The following RBMS3 variants were observed in gnomAD, a reference collection of about 807,000 sequenced individuals.
RBMS3 encodes the protein RNA-binding motif, single-stranded-interacting protein 3.
A neutral mutation model predicts 66.8 loss-of-function variants in RBMS3; 27 were observed. The observed-to-expected ratio is 0.40, with a 90% confidence interval of 0.30 to 0.56. The LOEUF (loss-of-function observed/expected upper bound fraction) is 0.56, where lower values mean the gene tolerates loss of function less well. Among genes scored for constraint, RBMS3 ranks in the 20% least tolerant of loss-of-function variants. The pLI is 0.40. For synonymous variants in RBMS3, 188 were observed against 183.0 expected (o/e 1.03, Z -0.22); for missense variants, 513 against 549.5 (o/e 0.93, Z 0.66).
In RBMS3 at chr3:29,984,788, C is replaced by T. The variant is rs548583521; in HGVS notation, c.1099-3355C>T. Among the ~76,000 whole-genome samples, 13 of 152,250 alleles carry T rather than the reference C, an allele frequency of 8.5e-5. No individual in the cohort carries two copies. In the East Asian group the frequency reaches 2.1e-3, roughly 25 times the overall value. On this transcript the variant is annotated intron_variant, in intron 12 of 14. Transcript: ENST00000383767. ...TGCCTGTTCCTTCCTCTGGAAGCTT[C>T]GTCCCAGAGGGGCACCCACCAGATG...
intron 3 of RBMS3, among the ~76,000 whole-genome samples, chr3:29,490,080 A>G (rs1232742757): frequency 2.0e-5 from 3 of 150,762 alleles, no homozygotes; most frequent in Non-Finnish European, 4.4e-5. Context: ...CAGTGAGGAC[A>G]GAAACAAGAA....
intron 4 of RBMS3, among the ~76,000 whole-genome samples, chr3:29,596,545 G>C (rs2047948569): frequency 6.6e-6 from 1 of 152,150 alleles, no homozygotes; most frequent in Non-Finnish European, 1.5e-5. Context: ...CTTGGAGGTA[G>C]GTATTATTAT....
chr3:29,763,163 G>C (rs2055771337), intron 6 of RBMS3, among the ~76,000 whole-genome samples, 174 bp downstream of exon 6: 1 of 151,962 alleles, frequency 6.6e-6, no homozygotes, highest in Non-Finnish European at 1.5e-5. Context: ...AAGCTTTTTG[G>C]TAATTCTTCT....
At chr3:29,637,434 T>C (rs749072508) in intron 4 of RBMS3, among the ~76,000 whole-genome samples, 2 of 151,908 alleles carry the variant, frequency 1.3e-5, no homozygotes, top group Non-Finnish European at 2.9e-5. Flanking sequence ...CTTTACGTCT[T>C]TCTTAAATAC....
In RBMS3 at chr3:29,818,625, G is replaced by A. The variant is rs187745713; in HGVS notation, c.638-50233G>A. ...CCAATGCGACCTTGATTTCCTCCAC[G>A]GAGACTGAATTGGGATAAGAAAAAC... On this transcript the variant is annotated intron_variant, in intron 6 of 14. Coordinates refer to ENST00000383767, the MANE Select transcript of RBMS3 (RefSeq NM_001003793.3). 2.5e-3 allele frequency among the ~76,000 whole-genome samples: 385 copies of A among 151,966 alleles called. 4 individuals carry two copies. The highest frequency in any genetic ancestry group is 0.02 in the Admixed American group (302 of 15,258).
chr3:29,499,835 T>A (rs9861013), intron 3 of RBMS3, among the ~76,000 whole-genome samples: 19,993 of 152,014 alleles, frequency 0.13, 1,930 homozygotes, highest in African/African-American at 0.27. Context: ...CGTCCACAAT[T>A]CAAACAGCAG....
intron 1 of RBMS3, among the ~76,000 whole-genome samples, chr3:29,415,028 A>G (rs183530639): frequency 2.0e-4 from 30 of 152,354 alleles, no homozygotes; most frequent in Middle Eastern, 6.8e-3. Flanking sequence ...AATGCTGAGA[A>G]GGACAATTCC....
At chr3:29,317,393 G>A (rs921067581) in intron 1 of RBMS3, among the ~76,000 whole-genome samples, 5 of 151,448 alleles carry the variant, frequency 3.3e-5, no homozygotes, top group Admixed American at 6.6e-5. Context: ...TCTGGTTTTC[G>A]GTGTTGCTTG....
intron 2 of RBMS3, among the ~76,000 whole-genome samples, chr3:29,450,660 T>A (rs902511827): frequency 6.6e-6 from 1 of 152,132 alleles, no homozygotes; most frequent in African/African-American, 2.4e-5. Flanking sequence ...TCTTTTGTTT[T>A]TGAATGCCTT....
chr3:29,931,217 A>G (rs1408567515), intron 10 of RBMS3, among the ~76,000 whole-genome samples: 4 of 152,222 alleles, frequency 2.6e-5, no homozygotes, highest in African/African-American at 9.6e-5. Context: ...TACTTACTGC[A>G]TGCAATTCCT....
At chr3:29,830,562 T>C (rs1576935502) in intron 6 of RBMS3, among the ~76,000 whole-genome samples, 1 of 152,278 alleles carries the variant, frequency 6.6e-6, no homozygotes, top group Non-Finnish European at 1.5e-5. Flanking sequence ...AATGGGTGTG[T>C]ATGTAATATA....
rs75500620 is a variant in RBMS3, at chr3:29,450,847, G to A, written c.248+15932G>A. Among the ~76,000 whole-genome samples the A allele has an allele frequency of 8.3e-3, 1,250 of 151,470 alleles. 16 individuals are homozygous for A. Among genetic ancestry groups the A allele is most frequent in the African/African-American group, 0.029 (1,205 of 41,242 alleles). ...TGAAATCTGTGGTTAGTTTTTCAAA[G>A]CAAGTACTATGCCCAGTACCCACCA... On this transcript the variant is annotated intron_variant, in intron 2 of 14. Coordinates refer to ENST00000383767, the MANE Select transcript of RBMS3 (RefSeq NM_001003793.3).
intron 2 of RBMS3, among the ~76,000 whole-genome samples, chr3:29,487,195 T>C (rs1277063745): frequency 1.3e-5 from 2 of 152,070 alleles, no homozygotes; most frequent in Non-Finnish European, 2.9e-5. Flanking sequence ...ACAGAGAGAC[T>C]CTTGGGGTGA....
At chr3:29,546,491 T>A (rs916446627) in intron 3 of RBMS3, among the ~76,000 whole-genome samples, 1 of 152,138 alleles carries the variant, frequency 6.6e-6, no homozygotes, top group Non-Finnish European at 1.5e-5. Context: ...GCAAAAAAGT[T>A]TGTGCTGTAC....
At position 29,736,643 on chromosome 3, in the gene RBMS3, T is replaced by G. The variant is rs77315751; in HGVS notation, c.400-3077T>G. Among the ~76,000 whole-genome samples, 388 of 152,330 alleles carry G rather than the reference T, an allele frequency of 2.5e-3. 2 individuals are homozygous for G. The highest frequency in any genetic ancestry group is 8.1e-3 in the African/African-American group (335 of 41,582). ...CACTCATTGGTAGGCTCTGGGTTGA[T>G]GAGGAACTCCAAAGCTCTGGGGCAC... On this transcript the variant is annotated intron_variant, in intron 4 of 14. Coordinates refer to ENST00000383767, the MANE Select transcript of RBMS3 (RefSeq NM_001003793.3).
intron 4 of RBMS3, among the ~76,000 whole-genome samples, chr3:29,659,342 T>A (rs746811979): frequency 1.2e-4 from 18 of 152,186 alleles, no homozygotes; most frequent in Non-Finnish European, 1.2e-4. Flanking sequence ...GCCCTTTTCG[T>A]CTTTTAAAAC....
chr3:29,683,651 A>G (rs2051594425), intron 4 of RBMS3, among the ~76,000 whole-genome samples: 1 of 152,146 alleles, frequency 6.6e-6, no homozygotes. Context: ...TTTAATCAGG[A>G]TTGCTAAGGA....
intron 10 of RBMS3, among the ~76,000 whole-genome samples, chr3:29,930,240 T>C (rs1364324998): frequency 2.7e-5 from 4 of 149,834 alleles, no homozygotes; most frequent in African/African-American, 9.8e-5. Flanking sequence ...GCCTCCGAAG[T>C]AGCTGGGACT....
chr3:29,777,446 T>C (rs149381505), intron 6 of RBMS3, among the ~76,000 whole-genome samples: 2 of 152,068 alleles, frequency 1.3e-5, no homozygotes, highest in East Asian at 3.9e-4. Context: ...CTTAATTCTC[T>C]CTTAATGCGT....
Sources: gnomAD v4.1 joint callset for allele counts (sites outside exome capture counted in the v4.1 genomes callset) on GRCh38, gnomAD v4.1.1 for gene constraint, MANE v1.5 for transcripts, NCBI Gene and HGNC (gene_info 2026-07-23, HGNC 2026-07-21) for gene names.